ALDH18A1: variants seen among roughly 807,000 people sequenced by gnomAD.
ALDH18A1 encodes the protein delta-1-pyrroline-5-carboxylate synthase.
ALDH18A1 carries 44 observed loss-of-function variants against 88.8 expected under a neutral mutation model. That is an observed-to-expected ratio of 0.50 (90% confidence interval 0.39 to 0.64). ALDH18A1 has a LOEUF of 0.64. Ranked by LOEUF, ALDH18A1 falls within the 30% of genes least tolerant of loss-of-function variation. The pLI, the probability that ALDH18A1 is intolerant of heterozygous loss-of-function variation, is 0.00. For synonymous variants in ALDH18A1, 331 were observed against 372.1 expected (o/e 0.89, Z 1.27); for missense variants, 782 against 1,009.5 (o/e 0.77, Z 3.05).
intron 7 of ALDH18A1, 40 bp from the exon 8 acceptor site, chr10:95,628,532 A>C (rs779083082): frequency 8.1e-6 from 13 of 1,605,656 alleles, no homozygotes; most frequent in Non-Finnish European, 8.5e-7. Flanking sequence ...GCTTTGATGG[A>C]AGTGTCTCCA....
At position 95,641,785 on chromosome 10, in the gene ALDH18A1, C is replaced by T. The variant is rs145855107; in HGVS notation, c.303+1207G>A. On this transcript the variant is annotated intron_variant, in intron 3 of 17. Coordinates refer to ENST00000371224, the MANE Select transcript of ALDH18A1 (RefSeq NM_002860.4). The stretch of plus-strand genomic sequence containing the variant: ...TCCCGAGTAGCCGGGGCCACAGGAA[C>T]GTGCCACATGCCTGGCTAATTTTTA... 5.0e-3 allele frequency among the ~76,000 whole-genome samples: 767 copies of T among 152,096 alleles called. 6 individuals carry two copies. Among genetic ancestry groups the T allele is most frequent in the Middle Eastern group, 0.031 (9 of 294 alleles).
intron 11 of ALDH18A1, among the ~76,000 whole-genome samples, chr10:95,621,937 A>G (rs556364323): frequency 2.3e-4 from 35 of 152,340 alleles, no homozygotes; most frequent in African/African-American, 8.2e-4. Flanking sequence ...ACTGACATGG[A>G]GAGCTGTCTA....
At chr10:95,628,555 C>A (rs2097863642) in intron 7 of ALDH18A1, 63 bp from the exon 8 acceptor site, 1 of 1,588,962 alleles carries the variant, frequency 6.3e-7, no homozygotes, top group African/African-American at 1.3e-5. Flanking sequence ...ACAGGCCTCC[C>A]CAGGGCACCT....
At chr10:95,656,213 A>G (rs960977634) in intron 1 of ALDH18A1, among the ~76,000 whole-genome samples, 2 of 151,992 alleles carry the variant, frequency 1.3e-5, no homozygotes, top group Non-Finnish European at 2.9e-5. Context: ...CACGCCACCC[A>G]CCAGTGCAGG....
intron 11 of ALDH18A1, among the ~76,000 whole-genome samples, chr10:95,621,948 G>A (rs1429653069): frequency 6.6e-6 from 1 of 152,070 alleles, no homozygotes; most frequent in Non-Finnish European, 1.5e-5. Flanking sequence ...GAGCTGTCTA[G>A]GATATAGTCT....
At chr10:95,655,131 A>G (rs1186222731) in intron 1 of ALDH18A1, among the ~76,000 whole-genome samples, 1 of 74,282 alleles carries the variant, frequency 1.3e-5, no homozygotes, top group Non-Finnish European at 2.5e-5. Context: ...ATTTTTCTTT[A>G]TTATTATTAT....
At chr10:95,652,661 G>C (rs1164536696) in intron 2 of ALDH18A1, among the ~76,000 whole-genome samples, 1 of 151,648 alleles carries the variant, frequency 6.6e-6, no homozygotes, top group East Asian at 1.9e-4. Context: ...CTTGAACCTG[G>C]GAAGCAGAGG....
intron 12 of ALDH18A1, among the ~76,000 whole-genome samples, chr10:95,620,097 A>C (rs1454462264): frequency 6.6e-6 from 1 of 152,248 alleles, no homozygotes; most frequent in Non-Finnish European, 1.5e-5. Context: ...ACGAGAAAAA[A>C]ACAACCCCAT....
intron 12 of ALDH18A1, 23 bp from the exon 13 acceptor site, chr10:95,616,637 T>C (rs938446708): frequency 6.3e-7 from 1 of 1,597,274 alleles, no homozygotes; most frequent in African/African-American, 1.3e-5. Context: ...GGGAGAGCAG[T>C]GGATCAAAGG....
At chr10:95,641,425 TA>T (rs1306679699) in intron 3 of ALDH18A1, among the ~76,000 whole-genome samples, 1 of 151,588 alleles carries the variant, frequency 6.6e-6, no homozygotes, top group Non-Finnish European at 1.5e-5. Context: ...TCTTGATAAA[TA>T]TTTTTAAAAT....
In ALDH18A1 at chr10:95,627,547, C is replaced by T. The variant is rs192770256; in HGVS notation, c.973G>A (p.Val325Ile). Residue 325 changes from valine to isoleucine, a missense_variant, in exon 9 of 18, where the codon GTT becomes ATT. Coordinates refer to ENST00000371224, the MANE Select transcript of ALDH18A1 (RefSeq NM_002860.4). The stretch of plus-strand genomic sequence containing the variant: ...GGGTGGGTTCCATTGGCAATAACAA[C>T]AGAAGTGCCACCTTGCAAAGCCCAG... ...ALWALQGGTS[V>I]VIANGTHPKV... The T allele has an allele frequency of 1.3e-4, 216 of 1,614,128 alleles. No homozygotes were observed. Among genetic ancestry groups the T allele is most frequent in the Non-Finnish European group, 1.7e-4 (201 of 1,179,974 alleles).
chr10:95,652,179 A>C (rs1009833221), intron 2 of ALDH18A1, among the ~76,000 whole-genome samples: 5 of 152,252 alleles, frequency 3.3e-5, no homozygotes, highest in Non-Finnish European at 5.9e-5. Flanking sequence ...CAAAATTATA[A>C]AAATGTAGAC....
At chr10:95,607,272 G>A (rs1411646567) in intron 17 of ALDH18A1, among the ~76,000 whole-genome samples, 1 of 152,150 alleles carries the variant, frequency 6.6e-6, no homozygotes, top group Non-Finnish European at 1.5e-5. Context: ...TGACATTTGG[G>A]CATGTTTTGA....
intron 2 of ALDH18A1, among the ~76,000 whole-genome samples, chr10:95,648,035 A>C (rs1197451485): frequency 6.6e-6 from 1 of 152,212 alleles, no homozygotes; most frequent in African/African-American, 2.4e-5. Context: ...CTAGCAAATC[A>C]ATCAAGCCCA....
At chr10:95,618,323 A>G (rs998807189) in intron 12 of ALDH18A1, among the ~76,000 whole-genome samples, 11 of 152,094 alleles carry the variant, frequency 7.2e-5, no homozygotes, top group Non-Finnish European at 1.3e-4. Flanking sequence ...AGAGGGTTGC[A>G]TTCTTTTCTC....
intron 17 of ALDH18A1, among the ~76,000 whole-genome samples, chr10:95,607,746 G>T (rs994066666): frequency 3.9e-5 from 6 of 152,130 alleles, no homozygotes; most frequent in Non-Finnish European, 7.4e-5. Context: ...GGTGGAGCTG[G>T]GGACACGCTG....
At chr10:95,626,581 G>C in intron 10 of ALDH18A1, 122 bp downstream of exon 10, 1 of 914,580 alleles carries the variant, frequency 1.1e-6, no homozygotes, top group Admixed American at 2.0e-5. Flanking sequence ...AATCAGACTT[G>C]TAACTCAGAT....
chr10:95,628,099 T>C (rs2097862912), intron 8 of ALDH18A1, among the ~76,000 whole-genome samples: 4 of 152,232 alleles, frequency 2.6e-5, no homozygotes, highest in African/African-American at 9.6e-5. Flanking sequence ...GATTTATGAA[T>C]TATGAAAAAT....
At chr10:95,653,686 C>T (rs919896682) in intron 1 of ALDH18A1, among the ~76,000 whole-genome samples, 2 of 152,082 alleles carry the variant, frequency 1.3e-5, no homozygotes, top group African/African-American at 4.8e-5. Flanking sequence ...TTGGTATCTT[C>T]CAAATTTAAA....
Sources: allele counts gnomAD v4.1 joint callset (sites outside exome capture counted in the v4.1 genomes callset), GRCh38; gene constraint gnomAD v4.1.1; transcripts MANE v1.5; gene names NCBI Gene and HGNC (gene_info 2026-07-23, HGNC 2026-07-21).